Variants in DST observed in about 807,000 individuals in gnomAD.
DST encodes dystonin.
In DST, 253 loss-of-function variants were observed where a neutral mutation model predicts 875.2. The observed-to-expected ratio is 0.29, with a 90% CI of 0.26 to 0.32. The LOEUF (loss-of-function observed/expected upper bound fraction) is 0.32, where lower values mean the gene tolerates loss of function less well. DST is among the 10% of genes least tolerant of loss of function. The probability of loss-of-function intolerance (pLI) is 1.00; values close to 1 mark genes in which losing one functional copy is unlikely to be tolerated. For synonymous variants in DST, 3,124 were observed against 3,197.1 expected (o/e 0.98, Z 0.77); for missense variants, 8,287 against 9,111.6 (o/e 0.91, Z 3.68).
intron 36 of DST, chr6:56,616,264 G>T (rs1186124995): frequency 6.2e-7 from 1 of 1,614,068 alleles, no homozygotes; most frequent in South Asian, 1.1e-5. Context: ...CATTAATATT[G>T]AAGTGTAATC....
At chr6:56,849,838 T>A (rs1487014088) in intron 4 of DST, among the ~76,000 whole-genome samples, 1 of 152,316 alleles carries the variant, frequency 6.6e-6, no homozygotes, top group Non-Finnish European at 1.5e-5. Flanking sequence ...AAGCACCTTC[T>A]ACCTTCCAAA....
At chr6:56,933,685 C>A (rs1386461162) in intron 2 of DST, among the ~76,000 whole-genome samples, 1 of 152,144 alleles carries the variant, frequency 6.6e-6, no homozygotes, top group East Asian at 1.9e-4. Context: ...CCAGCATGAG[C>A]AATGGCATGA....
chr6:56,546,389 T>TATATATAA (rs1491334750), intron 61 of DST, among the ~76,000 whole-genome samples: 3 of 104,266 alleles, frequency 2.9e-5, no homozygotes, highest in South Asian at 3.1e-4. Context: ...TATATATATA[T>TATATATAA]AAATGTCAAA....
intron 102 of DST, chr6:56,461,745 T>G (rs2094341265): frequency 6.6e-6 from 1 of 152,236 alleles, no homozygotes; most frequent in Non-Finnish European, 1.5e-5. Context: ...AAGCAAATGT[T>G]AATATGTCCC....
At chr6:56,574,118 T>C (rs2097824881) in intron 50 of DST, among the ~76,000 whole-genome samples, 1 of 151,966 alleles carries the variant, frequency 6.6e-6, no homozygotes, top group Non-Finnish European at 1.5e-5. Flanking sequence ...AAAGTTAATA[T>C]ATATCCCATC....
At chr6:56,824,885 G>GC (rs936882414) in intron 4 of DST, among the ~76,000 whole-genome samples, 1 of 151,396 alleles carries the variant, frequency 6.6e-6, no homozygotes, top group Non-Finnish European at 1.5e-5. Context: ...GGGGGGGTCA[G>GC]CCCCCCGCCC....
At chr6:56,566,460 C>G (rs867394863) in intron 55 of DST, among the ~76,000 whole-genome samples, 1 of 152,114 alleles carries the variant, frequency 6.6e-6, no homozygotes, top group African/African-American at 2.4e-5. Flanking sequence ...GGAAGTTTTC[C>G]GACCCCTTGT....
intron 2 of DST, among the ~76,000 whole-genome samples, chr6:56,937,590 C>G (rs1252706144): frequency 6.6e-6 from 1 of 152,106 alleles, no homozygotes; most frequent in Non-Finnish European, 1.5e-5. Context: ...TTTAAAAAAA[C>G]AACTGGAGAA....
intron 4 of DST, among the ~76,000 whole-genome samples, chr6:56,813,231 T>A (rs1590992931): frequency 1.0e-5 from 1 of 98,722 alleles, no homozygotes; most frequent in African/African-American, 4.0e-5. Context: ...CTGGGGACTG[T>A]TGTGGGGTGG....
intron 36 of DST, chr6:56,618,861 A>T: frequency 1.2e-6 from 2 of 1,614,104 alleles, no homozygotes; most frequent in Non-Finnish European, 1.7e-6. Flanking sequence ...ATGGTCTTTA[A>T]GTGTAATTCG....
In DST at chr6:56,608,858, A is replaced by T; in HGVS notation, c.5770T>A (p.Cys1924Ser). The T allele has an allele frequency of 6.2e-7, 1 of 1,613,390 alleles. No homozygotes were observed. Among genetic ancestry groups the T allele is most frequent in the Non-Finnish European group, 8.5e-7 (1 of 1,179,632 alleles). The change falls in exon 40 of 104, where the codon TGC becomes AGC. Residue 1924 changes from cysteine (C) to serine (S), a missense_variant. This residue lies in a region of DST where 3,138 missense variants were observed against 3,116.6 expected (regional missense o/e 1.01). Transcript: ENST00000680361. ...QNMCKDLIDP[C>S]TSEKVSLIDM... ...ATTAAAGAAACCTTCTCAGAGGTGCAGGGGTCAATAAGATCTTTGCACATA... is the reference window on the plus strand; with the variant it reads ...ATTAAAGAAACCTTCTCAGAGGTGCTGGGGTCAATAAGATCTTTGCACATA...
rs376727627 is a variant in DST at position 56,799,750 on chromosome 6, T to C, written c.625+51647A>G. 3.9e-5 allele frequency among the ~76,000 whole-genome samples: 6 copies of C among 152,032 alleles called. No homozygotes were observed. The East Asian group carries it at 1.2e-3, about 29-fold the overall frequency. Reference sequence around the variant, plus strand: ...AATTCTCCTGCCTCGGCCTTCCAAGTAGCGGGGATAACAGGCACGCACCAC... The same window carrying C: ...AATTCTCCTGCCTCGGCCTTCCAAGCAGCGGGGATAACAGGCACGCACCAC... On this transcript the variant is annotated intron_variant, in intron 4 of 103. Coordinates refer to ENST00000680361, the MANE Select transcript of DST (RefSeq NM_001374736.1).
chr6:56,582,278 G>T (rs1051326468), intron 49 of DST, among the ~76,000 whole-genome samples: 1 of 152,142 alleles, frequency 6.6e-6, no homozygotes, highest in South Asian at 2.1e-4. Flanking sequence ...GAACCTGGTG[G>T]GAGATGATTT....
At position 56,766,866 on chromosome 6, in the gene DST, AC is replaced by A. The variant is rs760614740; in HGVS notation, c.626-31578del. Among the ~76,000 whole-genome samples, 7 of 152,072 alleles carry A rather than the reference AC, an allele frequency of 4.6e-5. No homozygotes were observed. In the South Asian group the frequency reaches 8.3e-4, roughly 18 times the overall value. On this transcript the variant is annotated intron_variant, in intron 4 of 103. Coordinates refer to ENST00000680361, the MANE Select transcript of DST (RefSeq NM_001374736.1). ...TTTAATAGTTCTGATTATATGGGAA[AC>A]CCCAATTCTCTTAACCTAGAAACAC...
Position 56,631,970 on chromosome 6 carries a change from G to C in DST, c.3876C>G (p.Asn1292Lys). The C allele has an allele frequency of 6.2e-7, 1 of 1,613,470 alleles. No individual in the cohort carries two copies. Among genetic ancestry groups the C allele is most frequent in the Non-Finnish European group, 8.5e-7 (1 of 1,179,448 alleles). ...EVRNIRLRLE[N>K]CEDRLIRQIR... Reference sequence around the variant, plus strand: ...TCTGTCTAATCAGCCGATCTTCACAGTTCTCTAACCGAAGTCTAATGTTTC... The same window carrying C: ...TCTGTCTAATCAGCCGATCTTCACACTTCTCTAACCGAAGTCTAATGTTTC... Residue 1292 changes from asparagine (N) to lysine (K), a missense_variant, in exon 29 of 104, where the codon AAC becomes AAG. Asn to Lys is a moderately conservative substitution (Grantham distance 94). Coordinates refer to ENST00000680361, the MANE Select transcript of DST (RefSeq NM_001374736.1).
intron 34 of DST, among the ~76,000 whole-genome samples, chr6:56,626,714 G>A (rs1039047726): frequency 5.3e-5 from 8 of 152,090 alleles, no homozygotes; most frequent in African/African-American, 9.7e-5. Flanking sequence ...TAGGGTGGTC[G>A]GGTAATTTCC....
Position 56,604,247 on chromosome 6 carries a change from C to T in DST, c.10381G>A (p.Val3461Ile), listed in dbSNP as rs1277053958. The T allele has an allele frequency of 1.9e-6, 3 of 1,610,692 alleles. No individual in the cohort carries two copies. The highest frequency in any genetic ancestry group is 2.2e-5 in the East Asian group (1 of 44,754). The change falls in exon 40 of 104, where the codon GTA becomes ATA. Residue 3461 changes from valine (V) to isoleucine (I), a missense_variant. This residue lies in a region of DST where 3,138 missense variants were observed against 3,116.6 expected (regional missense o/e 1.01). Transcript: ENST00000680361. The part of the protein sequence containing the change: ...QDQHSQKITG[V>I]FELMRELTHM... ...GTTAATTCTCTCATCAATTCAAATA[C>T]TCCTGTAATTTTTTGGCTATGTTGA...
chr6:56,659,698 A>G (rs1415270449), intron 10 of DST, among the ~76,000 whole-genome samples: 2 of 152,210 alleles, frequency 1.3e-5, no homozygotes, highest in African/African-American at 4.8e-5. Context: ...AAGGAAAGGA[A>G]TGATATAAGG....
intron 90 of DST, among the ~76,000 whole-genome samples, chr6:56,481,808 A>G (rs373217288): frequency 6.6e-6 from 1 of 152,264 alleles, no homozygotes; most frequent in African/African-American, 2.4e-5. Context: ...GAGATAGGAA[A>G]CAGAGTAACT....
Sources: allele counts gnomAD v4.1 joint callset (sites outside exome capture counted in the v4.1 genomes callset), GRCh38; gene constraint gnomAD v4.1.1; regional missense constraint gnomAD v4.1.1; transcripts MANE v1.5; gene names NCBI Gene and HGNC (gene_info 2026-07-23, HGNC 2026-07-21).